ECT2: variants seen among roughly 807,000 people sequenced by gnomAD.
The protein encoded by ECT2 is protein ECT2.
Under a neutral mutation model 116.9 loss-of-function variants are expected in ECT2, and 61 were observed. The ratio of observed to expected loss-of-function variants is 0.52; its 90% CI spans 0.42 to 0.65. The LOEUF (loss-of-function observed/expected upper bound fraction) is 0.65, where lower values mean the gene tolerates loss of function less well. ECT2 is among the 30% of genes least tolerant of loss of function. The pLI is 0.00. For missense variants in ECT2, 937 were observed against 1,078.7 expected, an observed-to-expected ratio of 0.87 and a Z score of 1.84; for synonymous variants, 358 against 346.4, an observed-to-expected ratio of 1.03 and a Z score of -0.37.
At chr3:172,802,811 A>C (rs774617259) in intron 19 of ECT2, 50 bp from the exon 20 acceptor site, 1 of 1,568,694 alleles carries the variant, frequency 6.4e-7, no homozygotes, top group South Asian at 1.2e-5. Flanking sequence ...ACTTCTTAAA[A>C]ATTACTTGAT....
At chr3:172,775,325 T>G (rs1413953690) in intron 14 of ECT2, among the ~76,000 whole-genome samples, 1 of 152,196 alleles carries the variant, frequency 6.6e-6, no homozygotes, top group Non-Finnish European at 1.5e-5. Context: ...TTTATTTTAG[T>G]ATACATTATA....
chr3:172,751,643 A>G (rs930783815), intron 1 of ECT2, among the ~76,000 whole-genome samples: 9 of 152,192 alleles, frequency 5.9e-5, no homozygotes, highest in African/African-American at 1.4e-4. Context: ...ACCTTGGAAG[A>G]TGATTGCCTA....
chr3:172,759,186 T>G (rs1430547572), intron 6 of ECT2, 117 bp downstream of exon 6: 3 of 669,692 alleles, frequency 4.5e-6, no homozygotes, highest in East Asian at 5.9e-5. Flanking sequence ...GATAACTTAT[T>G]ATGGCTATAC....
intron 1 of ECT2, 99 bp from the exon 2 acceptor site, chr3:172,754,410 A>G (rs1716548581): frequency 2.3e-6 from 2 of 878,668 alleles, no homozygotes; most frequent in Non-Finnish European, 3.3e-6. Flanking sequence ...AAAATGGGTA[A>G]TAATACTTTT....
chr3:172,751,774 G>A (rs1413699086), intron 1 of ECT2, among the ~76,000 whole-genome samples: 1 of 152,122 alleles, frequency 6.6e-6, no homozygotes, highest in Non-Finnish European at 1.5e-5. Flanking sequence ...CTGTTCTTGG[G>A]TGAGAAGCTG....
At chr3:172,774,371 T>C (rs1166516797) in intron 14 of ECT2, among the ~76,000 whole-genome samples, 1 of 152,118 alleles carries the variant, frequency 6.6e-6, no homozygotes, top group Non-Finnish European at 1.5e-5. Context: ...CTAATTTTTG[T>C]ATTTTTTTTG....
At chr3:172,809,868 C>A (rs770710537) in intron 22 of ECT2, among the ~76,000 whole-genome samples, 1 of 152,092 alleles carries the variant, frequency 6.6e-6, no homozygotes, top group Admixed American at 6.6e-5. Flanking sequence ...TAAGTTTGAA[C>A]CTAAGGCCAA....
chr3:172,800,296 T>C (rs73880286), intron 18 of ECT2, among the ~76,000 whole-genome samples: 15,563 of 152,206 alleles, frequency 0.1, 1,550 homozygotes, highest in African/African-American at 0.25. Flanking sequence ...ATCCTAAGAC[T>C]GGTTTTACTT....
chr3:172,804,397 A>G (rs866041699), intron 20 of ECT2, among the ~76,000 whole-genome samples: 26 of 152,160 alleles, frequency 1.7e-4, no homozygotes, highest in African/African-American at 5.5e-4. Flanking sequence ...ACTGTACACA[A>G]TTGACTGTCT....
intron 13 of ECT2, among the ~76,000 whole-genome samples, chr3:172,771,018 A>G (rs1234230968): frequency 1.3e-5 from 2 of 152,206 alleles, no homozygotes; most frequent in African/African-American, 4.8e-5. Context: ...AAAGCTTCAT[A>G]CAGAAGGTAA....
At chr3:172,779,550 A>G (rs1195674418) in intron 14 of ECT2, among the ~76,000 whole-genome samples, 2 of 152,154 alleles carry the variant, frequency 1.3e-5, no homozygotes, top group Non-Finnish European at 2.9e-5. Flanking sequence ...TTTAACATGT[A>G]TTATTTTTTA....
the ECT2 span, among the ~76,000 whole-genome samples, chr3:172,827,733 AG>A: frequency 6.6e-6 from 1 of 152,232 alleles, no homozygotes; most frequent in Non-Finnish European, 1.5e-5. Context: ...GGTTGACTAT[AG>A]GTAACAATAA....
intron 13 of ECT2, chr3:172,771,141 G>A (rs1469885949): frequency 1.3e-5 from 2 of 152,182 alleles, no homozygotes; most frequent in East Asian, 1.9e-4. Context: ...TTTGACAGAA[G>A]TTTCCAAATT....
intron 24 of ECT2, chr3:172,818,674 C>A (rs1489491960): frequency 1.6e-6 from 2 of 1,289,106 alleles, no homozygotes; most frequent in Admixed American, 4.6e-5. Context: ...TTCTGCTTTC[C>A]GAGCTAGTTT....
At chr3:172,757,627 G>GGATGGTC (rs1717286229) in intron 5 of ECT2, among the ~76,000 whole-genome samples, 1 of 152,072 alleles carries the variant, frequency 6.6e-6, no homozygotes, top group Non-Finnish European at 1.5e-5. Context: ...ATGTTAGCCA[G>GGATGGTC]GATGGTCTTG....
intron 5 of ECT2, among the ~76,000 whole-genome samples, chr3:172,758,482 C>CACACAG (rs758884073): frequency 0.013 from 2,005 of 148,686 alleles, 22 homozygotes; most frequent in Admixed American, 0.017. Flanking sequence ...CACACACACA[C>CACACAG]ACAGACACAC....
rs188764716 is a variant in ECT2 at position 172,784,001 on chromosome 3, A to G, written c.1728+92A>G. 403 of 856,808 alleles carry G rather than the reference A, an allele frequency of 4.7e-4. 1 individual carries two copies. The African/African-American group carries it at 6.3e-3, about 13-fold the overall frequency. The allele number at this position is 856,808 out of a possible 1,614,324, so 53.1% of individuals were successfully genotyped here. ...CAAAAATGAAGTAAATTTTAACTTT[A>G]GTAAAATGTATCCATTAATATCTGT... On this transcript the variant is annotated intron_variant, in intron 16 of 24. Coordinates refer to ENST00000392692, the MANE Select transcript of ECT2 (RefSeq NM_001258315.2).
chr3:172,806,851 C>T (rs759566940), intron 21 of ECT2, among the ~76,000 whole-genome samples: 13 of 151,742 alleles, frequency 8.6e-5, no homozygotes, highest in East Asian at 1.9e-4. Flanking sequence ...CCATGTTGGC[C>T]GGGCTGGTCT....
intron 13 of ECT2, chr3:172,771,492 G>A (rs1720625969): frequency 6.6e-6 from 1 of 152,206 alleles, no homozygotes; most frequent in Non-Finnish European, 1.5e-5. Flanking sequence ...AACAATACAA[G>A]TGATCATTCT....
Sources: allele counts gnomAD v4.1 joint callset (sites outside exome capture counted in the v4.1 genomes callset), GRCh38; gene constraint gnomAD v4.1.1; transcripts MANE v1.5; gene names NCBI Gene and HGNC (gene_info 2026-07-23, HGNC 2026-07-21).